Variants in LGALS9 observed in about 807,000 individuals in gnomAD.
LGALS9 encodes the protein galectin 9, also known as galectin-9.
Under a neutral mutation model 35.9 loss-of-function variants are expected in LGALS9, and 26 were observed. That is an observed-to-expected ratio of 0.72 (90% CI 0.53 to 1.01). LGALS9 has a LOEUF of 1.01. LGALS9 is among the 50% of genes least tolerant of loss of function. The pLI is 0.00. For missense variants in LGALS9, 347 were observed against 445.8 expected (o/e 0.78, Z 1.99); for synonymous variants, 149 against 172.2 (o/e 0.87, Z 1.06).
rs1905055315 is a variant in LGALS9 at position 27,647,768 on chromosome 17, A to G, written c.921+336A>G. Among the ~76,000 whole-genome samples, 4 of 152,272 alleles carry G rather than the reference A, an allele frequency of 2.6e-5. 1 individual carries two copies. In the South Asian group the frequency reaches 8.3e-4, roughly 31 times the overall value. Reference sequence around the variant, plus strand: ...CATTTTCTTGTCGCCTGCTTTGCGCAGGAAGCACCCCACATGCTGGGGGCA... The same window carrying G: ...CATTTTCTTGTCGCCTGCTTTGCGCGGGAAGCACCCCACATGCTGGGGGCA... On this transcript the variant is annotated intron_variant, in intron 10 of 10. Coordinates refer to ENST00000395473, the MANE Select transcript of LGALS9 (RefSeq NM_009587.3).
rs750020914 is a variant in LGALS9, at chr17:27,646,536, C to A, written c.628-11C>A. ...GCTCTCCCATTGAATTTCCTGGTTTCTTTTCAACAGACTCCCGCCATCCCA... is the reference window on the plus strand; with the variant it reads ...GCTCTCCCATTGAATTTCCTGGTTTATTTTCAACAGACTCCCGCCATCCCA... On this transcript the variant is annotated splice_polypyrimidine_tract_variant and intron_variant, in intron 7 of 10. Coordinates refer to ENST00000395473, the MANE Select transcript of LGALS9 (RefSeq NM_009587.3). The A allele has an allele frequency of 6.2e-7, 1 of 1,612,050 alleles. No homozygotes were observed. Among genetic ancestry groups the A allele is most frequent in the East Asian group, 2.2e-5 (1 of 44,882 alleles).
At position 27,631,303 on chromosome 17, in the gene LGALS9, C is replaced by T; in HGVS notation, c.38C>T (p.Pro13Leu). Residue 13 changes from proline (P) to leucine (L), a missense_variant and splice_region_variant, in exon 1 of 11, where the codon CCA becomes CTA. By Grantham distance (98) the Pro-to-Leu change is moderately conservative (BLOSUM62 -3). Transcript: ENST00000395473. ...GGTTCCCAGGCTCCCTACCTGAGTC[C>T]AGTGAGTTCCAGGGCTATGGGCACA... ...FSGSQAPYLS[P>L]AVPFSGTIQG... 1 of 1,614,140 alleles carries T rather than the reference C, an allele frequency of 6.2e-7. No homozygotes were observed. The highest frequency in any genetic ancestry group is 8.5e-7 in the Non-Finnish European group (1 of 1,180,020).
chr17:27,631,339 A>C (rs1239099360), intron 1 of LGALS9, 35 bp downstream of exon 1: 5 of 1,613,878 alleles, frequency 3.1e-6, no homozygotes, highest in Non-Finnish European at 4.2e-6. Flanking sequence ...GGGCTGCCTC[A>C]GCCAGAGGGA....
intron 3 of LGALS9, 64 bp downstream of exon 3, chr17:27,640,837 C>G: frequency 6.3e-7 from 1 of 1,598,058 alleles, no homozygotes; most frequent in South Asian, 1.1e-5. Context: ...GGTGAATGGC[C>G]TTTAAGTAAT....
chr17:27,649,472 C>A lies in LGALS9; in HGVS notation c.*490C>A. 5.1e-6 allele frequency: 1 copy of A among 196,786 alleles called. No homozygotes were observed. The highest frequency in any genetic ancestry group is 1.1e-5 in the Non-Finnish European group (1 of 94,038). The allele number at this position is 196,786 out of a possible 1,614,324, so 12.2% of individuals were successfully genotyped here. ...CCTGATGGCTTCCCACTGGCCTCCA[C>A]CACCTGACCAGAGTGTTCTCTTCAG... On this transcript the variant is annotated 3_prime_UTR_variant, in exon 11 of 11. Transcript: ENST00000395473.
In LGALS9 at chr17:27,649,150, G is replaced by A. The variant is rs1288945721; in HGVS notation, c.*168G>A. The A allele has an allele frequency of 3.7e-6, 4 of 1,090,040 alleles. No homozygotes were observed. Among genetic ancestry groups the A allele is most frequent in the East Asian group, 2.6e-5 (1 of 38,916 alleles). The allele number at this position is 1,090,040 out of a possible 1,614,324, so 67.5% of individuals were successfully genotyped here. On this transcript the variant is annotated 3_prime_UTR_variant, in exon 11 of 11. Transcript: ENST00000395473. Reference sequence around the variant, plus strand: ...CTTCTGGCTACAGCCACCCTGGAACGGAGAAGGCAGCTGACGGGGATTGCC... The same window carrying A: ...CTTCTGGCTACAGCCACCCTGGAACAGAGAAGGCAGCTGACGGGGATTGCC...
At chr17:27,638,958 C>T (rs921643167) in intron 2 of LGALS9, among the ~76,000 whole-genome samples, 25 of 152,240 alleles carry the variant, frequency 1.6e-4, no homozygotes, top group Non-Finnish European at 1.6e-4. Context: ...TGACCCCTGC[C>T]GAGGCACCCC....
In LGALS9 at chr17:27,640,037, A is replaced by AT. The variant is rs11331233; in HGVS notation, c.132-522dup. Among the ~76,000 whole-genome samples, 411 of 148,596 alleles carry AT rather than the reference A, an allele frequency of 2.8e-3. 4 individuals carry two copies. The highest frequency in any genetic ancestry group is 7.7e-3 in the African/African-American group (312 of 40,594). On this transcript the variant is annotated intron_variant, in intron 2 of 10. Coordinates refer to ENST00000395473, the MANE Select transcript of LGALS9 (RefSeq NM_009587.3). ...AGGCGTGAGCCATCATGCCCAGCCAATTTTTTTTTTTTTAACTAGAGATGA... is the reference window on the plus strand; with the variant it reads ...AGGCGTGAGCCATCATGCCCAGCCAATTTTTTTTTTTTTTAACTAGAGATGA...
At chr17:27,648,361 A>C (rs1293493150) in intron 10 of LGALS9, among the ~76,000 whole-genome samples, 1 of 152,234 alleles carries the variant, frequency 6.6e-6, no homozygotes, top group Admixed American at 6.5e-5. Context: ...TGAATTTCCT[A>C]GAGTTGTAAG....
intron 1 of LGALS9, among the ~76,000 whole-genome samples, chr17:27,636,257 T>A (rs1474009991): frequency 6.6e-6 from 1 of 152,220 alleles, no homozygotes; most frequent in Non-Finnish European, 1.5e-5. Flanking sequence ...GTGTTTCTTT[T>A]AACGTTTTAT....
intron 1 of LGALS9, 121 bp downstream of exon 1, chr17:27,631,425 A>G (rs2074391911): frequency 7.5e-7 from 1 of 1,325,290 alleles, no homozygotes; most frequent in Non-Finnish European, 1.1e-6. Context: ...AGAGAACACA[A>G]GCAGGGCAGA....
At chr17:27,637,239 T>A (rs947404475) in intron 1 of LGALS9, among the ~76,000 whole-genome samples, 42 of 151,972 alleles carry the variant, frequency 2.8e-4, no homozygotes, top group Non-Finnish European at 2.8e-4. Flanking sequence ...AGGTGGGGGG[T>A]GGGTGACAGT....
In LGALS9 at chr17:27,647,304, G is replaced by A. The variant is rs780176338; in HGVS notation, c.793G>A (p.Ala265Thr). ...CAACCTGTGCTCTGGGAACCACATCGCCTTCCACCTGAACCCCCGTTTTGA... is the reference window on the plus strand; with the variant it reads ...CAACCTGTGCTCTGGGAACCACATCACCTTCCACCTGAACCCCCGTTTTGA... ...HINLCSGNHI[A>T]FHLNPRFDEN... Residue 265 changes from alanine to threonine, a missense_variant, in exon 10 of 11, where the codon GCC becomes ACC. Physicochemically the swap from Ala to Thr is moderately conservative, Grantham distance 58. Transcript: ENST00000395473. 48 of 1,614,010 alleles carry A rather than the reference G, an allele frequency of 3.0e-5. No homozygotes were observed. The Middle Eastern group carries it at 5.0e-4, about 17-fold the overall frequency.
chr17:27,631,269 G>C lies in LGALS9; in HGVS notation c.4G>C (p.Ala2Pro). 1.9e-6 allele frequency: 3 copies of C among 1,614,164 alleles called. No individual in the cohort carries two copies. Among genetic ancestry groups the C allele is most frequent in the Non-Finnish European group, 2.5e-6 (3 of 1,180,010 alleles). The change falls in exon 1 of 11, where the codon GCC becomes CCC. Residue 2 changes from alanine to proline, a missense_variant. Physicochemically the swap from Ala to Pro is conservative, Grantham distance 27 (BLOSUM62 -1). Coordinates refer to ENST00000395473, the MANE Select transcript of LGALS9 (RefSeq NM_009587.3). ...TGGCCACAGAGGCGGCGGAGAGATG[G>C]CCTTCAGCGGTTCCCAGGCTCCCTA... The part of the protein sequence containing the change: M[A>P]FSGSQAPYLS...
intron 2 of LGALS9, 35 bp from the exon 3 acceptor site, chr17:27,640,537 T>C: frequency 6.2e-7 from 1 of 1,613,534 alleles, no homozygotes. Context: ...CAATAATCCA[T>C]GCCACAGAAG....
Position 27,647,453 on chromosome 17 carries a change from G to A in LGALS9, c.921+21G>A, listed in dbSNP as rs180689973. Reference sequence around the variant, plus strand: ...TCTCAGTAAGGCACCGCAGTCTGGAGCTTGGAGAGGCTCCCATGGGTGCAC... The same window carrying A: ...TCTCAGTAAGGCACCGCAGTCTGGAACTTGGAGAGGCTCCCATGGGTGCAC... On this transcript the variant is annotated intron_variant, in intron 10 of 10. Coordinates refer to ENST00000395473, the MANE Select transcript of LGALS9 (RefSeq NM_009587.3). The A allele has an allele frequency of 3.2e-4, 514 of 1,613,912 alleles. 2 individuals are homozygous for A. Among genetic ancestry groups the A allele is most frequent in the Non-Finnish European group, 4.1e-4 (484 of 1,179,902 alleles).
chr17:27,649,142 C>A lies in LGALS9; in HGVS notation c.*160C>A. On this transcript the variant is annotated 3_prime_UTR_variant, in exon 11 of 11. Coordinates refer to ENST00000395473, the MANE Select transcript of LGALS9 (RefSeq NM_009587.3). ...TGGTCCTGCTTCTGGCTACAGCCAC[C>A]CTGGAACGGAGAAGGCAGCTGACGG... is the stretch of plus-strand genomic sequence containing the variant. 6 of 1,187,362 alleles carry A rather than the reference C, an allele frequency of 5.1e-6. No individual in the cohort carries two copies. Among genetic ancestry groups the A allele is most frequent in the Middle Eastern group, 2.9e-4 (1 of 3,434 alleles). The allele number at this position is 1,187,362 out of a possible 1,614,324, so 73.6% of individuals were successfully genotyped here.
Position 27,645,736 on chromosome 17 carries a change from G to A in LGALS9, c.577-125G>A, listed in dbSNP as rs1419181964. The A allele has an allele frequency of 4.2e-6, 3 of 722,554 alleles. No individual in the cohort carries two copies. The African/African-American group carries it at 5.5e-5, about 13-fold the overall frequency. The allele number at this position is 722,554 out of a possible 1,614,324, so 44.8% of individuals were successfully genotyped here. Reference sequence around the variant, plus strand: ...AGAGACACCTGGGCCCACCCTCTGTGGGGTCTGTGGGGCCATTGGGCTTGT... The same window carrying A: ...AGAGACACCTGGGCCCACCCTCTGTAGGGTCTGTGGGGCCATTGGGCTTGT... On this transcript the variant is annotated intron_variant, in intron 6 of 10. Coordinates refer to ENST00000395473, the MANE Select transcript of LGALS9 (RefSeq NM_009587.3).
intron 1 of LGALS9, among the ~76,000 whole-genome samples, chr17:27,635,936 C>G (rs766197131): frequency 6.6e-6 from 1 of 152,136 alleles, no homozygotes; most frequent in Non-Finnish European, 1.5e-5. Flanking sequence ...CTGGTGTAGA[C>G]AGGGACAAGA....
Sources: gnomAD v4.1 joint callset for allele counts (sites outside exome capture counted in the v4.1 genomes callset) on GRCh38, gnomAD v4.1.1 for gene constraint, MANE v1.5 for transcripts, NCBI Gene and HGNC (gene_info 2026-07-23, HGNC 2026-07-21) for gene names.